DMBX1: variants seen among roughly 807,000 people sequenced by gnomAD.
DMBX1 encodes the protein diencephalon/mesencephalon homeobox 1, also known as diencephalon/mesencephalon homeobox protein 1.
Under a neutral mutation model 30.4 loss-of-function variants are expected in DMBX1, and 7 were observed. That is an observed-to-expected ratio of 0.23 (90% CI 0.13 to 0.43). DMBX1 has a LOEUF of 0.43. Ranked by LOEUF, DMBX1 falls within the 20% of genes least tolerant of loss-of-function variation. The pLI is 1.00. For missense variants in DMBX1, 460 were observed against 508.5 expected, an observed-to-expected ratio of 0.90 and a Z score of 0.92; for synonymous variants, 222 against 214.2, an observed-to-expected ratio of 1.04 and a Z score of -0.32.
chr1:46,501,664 CCTAT>C (rs1324930365), intron 2 of DMBX1, among the ~76,000 whole-genome samples: 3 of 151,994 alleles, frequency 2.0e-5, no homozygotes, highest in Admixed American at 6.6e-5. Flanking sequence ...ATTTACTTAG[CCTAT>C]CTTTTACTAA....
rs140036474 is a variant in DMBX1 at position 46,512,326 on chromosome 1, C to G, written c.966C>G (p.Ala322=). ...CCTACTACCAGTCCCTGTCAGCAGC[C>G]GCTGCTGCCCACCAGGGTGTGTGGG... is the stretch of plus-strand genomic sequence containing the variant. ...CQSYYQSLSA[A]AAAHQGVWGS... is the part of the protein sequence containing the mutation. Residue 322 remains alanine, a synonymous_variant, in exon 6 of 6, where the codon GCC becomes GCG. Transcript: ENST00000360032. This position sits in a 1 kb window ranked among gnomAD's most constrained non-coding sequence, Gnocchi z 4.8. 107 of 1,613,668 alleles carry G rather than the reference C, an allele frequency of 6.6e-5. No individual in the cohort carries two copies. In the African/African-American group the frequency reaches 1.4e-3, roughly 21 times the overall value.
chr1:46,510,717 TGTCCAGGA>T lies in DMBX1; in HGVS notation c.333+65_333+72del. On this transcript the variant is annotated intron_variant, in intron 4 of 5. Transcript: ENST00000360032. The surrounding 1 kb of genome is among the most constrained non-coding windows in gnomAD (Gnocchi z 4.1). ...ACACCAGCCCATCAGTCTGCCCGCT[TGTCCAGGA>T]GCCAGCATGTCATCCCTGTGCCAAG... is the stretch of plus-strand genomic sequence containing the variant. The T allele has an allele frequency of 6.4e-7, 1 of 1,553,788 alleles. No individual in the cohort carries two copies. Among genetic ancestry groups the T allele is most frequent in the South Asian group, 1.2e-5 (1 of 82,876 alleles).
intron 3 of DMBX1, among the ~76,000 whole-genome samples, chr1:46,509,349 G>A (rs1329729968): frequency 2.0e-5 from 3 of 152,182 alleles, no homozygotes; most frequent in South Asian, 4.1e-4. Flanking sequence ...ACAGGCGTGA[G>A]CCACTGTGCC....
chr1:46,511,385 CA>C (rs1666368371), intron 5 of DMBX1, 102 bp downstream of exon 5: 2 of 1,267,216 alleles, frequency 1.6e-6, no homozygotes, highest in Admixed American at 5.7e-5. Context: ...GGGCATGGCG[CA>C]TCAGAAAGGA....
chr1:46,501,481 C>T (rs1666138356), intron 2 of DMBX1, among the ~76,000 whole-genome samples: 1 of 151,648 alleles, frequency 6.6e-6, no homozygotes, highest in African/African-American at 2.4e-5. Flanking sequence ...TGGGGTTTCA[C>T]CATGTTGGCC....
At chr1:46,509,325 A>AC (rs1248863125) in intron 3 of DMBX1, among the ~76,000 whole-genome samples, 1 of 152,126 alleles carries the variant, frequency 6.6e-6, no homozygotes, top group Non-Finnish European at 1.5e-5. Flanking sequence ...CCACCCGCCC[A>AC]AAGTGCTGGG....
rs367925037 is a variant in DMBX1 at position 46,507,171 on chromosome 1, G to A, written c.154+7G>A. The A allele has an allele frequency of 1.7e-5, 27 of 1,613,914 alleles. No homozygotes were observed. Among genetic ancestry groups the A allele is most frequent in the Non-Finnish European group, 2.2e-5 (26 of 1,179,958 alleles). On this transcript the variant is annotated splice_region_variant and intron_variant, in intron 3 of 5. Coordinates refer to ENST00000360032, the MANE Select transcript of DMBX1 (RefSeq NM_172225.2). ...TTGGCTGAGCGCCTGGCTGGTAAGGGCCCTGGGGATGGGACCATGGGGACA... is the reference window on the plus strand; with the variant it reads ...TTGGCTGAGCGCCTGGCTGGTAAGGACCCTGGGGATGGGACCATGGGGACA...
chr1:46,508,900 T>A (rs1201262633), intron 3 of DMBX1, among the ~76,000 whole-genome samples: 3 of 141,078 alleles, frequency 2.1e-5, no homozygotes, highest in Admixed American at 1.5e-4. Context: ...AGAGTGGGGC[T>A]GACAGAGCGG....
chr1:46,516,121 ACT>A lies in DMBX1; in HGVS notation c.*3630_*3631del, dbSNP rs1666487159. The stretch of plus-strand genomic sequence containing the variant: ...TGCCCCCTGTGTAGTGCTGCATGAC[ACT>A]CTGTGTATCTGTCCTTCTGTCAGTC... On this transcript the variant is annotated 3_prime_UTR_variant, in exon 6 of 6. Coordinates refer to ENST00000360032, the MANE Select transcript of DMBX1 (RefSeq NM_172225.2). 6.6e-6 allele frequency among the ~76,000 whole-genome samples: 1 copy of A among 151,998 alleles called. No individual in the cohort carries two copies. The highest frequency in any genetic ancestry group is 1.5e-5 in the Non-Finnish European group (1 of 67,998).
At position 46,495,080 on chromosome 1, in the gene DMBX1, G is replaced by GGCAGA. The variant is rs1276390304; in HGVS notation, c.-13+4302_-13+4306dup. 4.6e-5 allele frequency among the ~76,000 whole-genome samples: 7 copies of GGCAGA among 152,302 alleles called. No individual in the cohort carries two copies. In the East Asian group the frequency reaches 1.4e-3, roughly 29 times the overall value. On this transcript the variant is annotated intron_variant, in intron 2 of 5. Transcript: ENST00000360032. ...CATTGGATTTTCCCTGCTGGGGCAGGGCAGAGCAGGCAGGGTGAAGAGGAA... is the reference window on the plus strand; with the variant it reads ...CATTGGATTTTCCCTGCTGGGGCAGGGCAGAGCAGAGCAGGCAGGGTGAAGAGGAA...
At chr1:46,507,572 A>G (rs1427260094) in intron 3 of DMBX1, among the ~76,000 whole-genome samples, 1 of 152,160 alleles carries the variant, frequency 6.6e-6, no homozygotes, top group African/African-American at 2.4e-5. Flanking sequence ...AACAGCTTCT[A>G]TGTTCTGACA....
At chr1:46,502,786 G>A (rs1257259763) in intron 2 of DMBX1, among the ~76,000 whole-genome samples, 1 of 152,098 alleles carries the variant, frequency 6.6e-6, no homozygotes, top group African/African-American at 2.4e-5. Context: ...AGGCTGAGGT[G>A]GGAGGACTGC....
chr1:46,511,832 C>G (rs1354486765), intron 5 of DMBX1, among the ~76,000 whole-genome samples: 32 of 152,146 alleles, frequency 2.1e-4, no homozygotes. Flanking sequence ...TTGGCAGGGT[C>G]CCTGGAGCTT....
chr1:46,489,980 C>T (rs1665900117), intron 1 of DMBX1, among the ~76,000 whole-genome samples, 103 bp downstream of exon 1: 1 of 152,146 alleles, frequency 6.6e-6, no homozygotes, highest in Non-Finnish European at 1.5e-5. Context: ...TCCCCTCTTG[C>T]GGTCCTGCAG....
chr1:46,492,955 G>A (rs1401109688), intron 2 of DMBX1, among the ~76,000 whole-genome samples: 2 of 152,010 alleles, frequency 1.3e-5, no homozygotes, highest in African/African-American at 4.8e-5. Context: ...TAGGGAGGGT[G>A]CGTCTACATT....
chr1:46,500,560 CA>C (rs1264062317), intron 2 of DMBX1, among the ~76,000 whole-genome samples: 1 of 150,892 alleles, frequency 6.6e-6, no homozygotes, highest in Non-Finnish European at 1.5e-5. Flanking sequence ...CCCCCTCCCC[CA>C]AAAAAGAAAG....
intron 2 of DMBX1, among the ~76,000 whole-genome samples, chr1:46,499,957 A>T (rs1304836715): frequency 6.6e-6 from 1 of 152,190 alleles, no homozygotes; most frequent in Non-Finnish European, 1.5e-5. Flanking sequence ...GAGAATACTT[A>T]TCACAGCCTG....
chr1:46,510,692 A>G lies in DMBX1; in HGVS notation c.333+38A>G, dbSNP rs758908970. 1 of 1,595,182 alleles carries G rather than the reference A, an allele frequency of 6.3e-7. No individual in the cohort carries two copies. The highest frequency in any genetic ancestry group is 8.5e-7 in the Non-Finnish European group (1 of 1,169,772). On this transcript the variant is annotated intron_variant, in intron 4 of 5. Coordinates refer to ENST00000360032, the MANE Select transcript of DMBX1 (RefSeq NM_172225.2). The surrounding 1 kb of genome is among the most constrained non-coding windows in gnomAD (Gnocchi z 4.1). The stretch of plus-strand genomic sequence containing the variant: ...TCTCCTAACTAGGCCTTGCAGACAA[A>G]CACCAGCCCATCAGTCTGCCCGCTT...
intron 2 of DMBX1, among the ~76,000 whole-genome samples, chr1:46,502,657 C>T (rs1666159588): frequency 6.6e-6 from 1 of 152,114 alleles, no homozygotes; most frequent in South Asian, 2.1e-4. Context: ...GAGGCCAAGG[C>T]AGGAGGACTG....
Sources: allele counts gnomAD v4.1 joint callset (sites outside exome capture counted in the v4.1 genomes callset), GRCh38; gene constraint gnomAD v4.1.1; non-coding constraint Gnocchi (gnomAD v3.1); transcripts MANE v1.5; gene names NCBI Gene and HGNC (gene_info 2026-07-23, HGNC 2026-07-21).